Variants in ARID5B observed in about 807,000 individuals in gnomAD.
ARID5B encodes the protein AT-rich interactive domain-containing protein 5B.
ARID5B carries 13 observed loss-of-function variants against 97.2 expected under a neutral mutation model. That is an observed-to-expected ratio of 0.13 (90% CI 0.09 to 0.21). The LOEUF is 0.21. ARID5B is among the 10% of genes least tolerant of loss of function. The probability of loss-of-function intolerance (pLI) is 1.00; values close to 1 mark genes in which losing one functional copy is unlikely to be tolerated. For missense variants in ARID5B, 1,210 were observed against 1,465.3 expected (o/e 0.83, Z 2.84); for synonymous variants, 556 against 570.3 (o/e 0.97, Z 0.36).
chr10:61,981,197 C>A (rs1016889335), intron 3 of ARID5B, among the ~76,000 whole-genome samples: 2 of 152,134 alleles, frequency 1.3e-5, no homozygotes, highest in African/African-American at 4.8e-5. Context: ...GCTTGCCTGT[C>A]TGTAGTGCAT....
At chr10:61,949,111 C>T (rs979443852) in intron 3 of ARID5B, among the ~76,000 whole-genome samples, 12 of 152,122 alleles carry the variant, frequency 7.9e-5, no homozygotes, top group Non-Finnish European at 1.8e-4. Context: ...TAGGGCTTGC[C>T]CAAACTGATT....
At chr10:62,063,598 T>C (rs1839950028) in intron 7 of ARID5B, among the ~76,000 whole-genome samples, 2 of 152,226 alleles carry the variant, frequency 1.3e-5, no homozygotes. Flanking sequence ...CAGTCTCTTC[T>C]GCCTTTGCTG....
rs1457091856 is a variant in ARID5B, at chr10:62,093,937, C to A, written c.*907C>A. 4.3e-6 allele frequency: 1 copy of A among 233,504 alleles called. No individual in the cohort carries two copies. The highest frequency in any genetic ancestry group is 8.5e-6 in the Non-Finnish European group (1 of 118,066). 14.5% of individuals were successfully genotyped at this position (233,504 alleles called of 1,614,324 possible). On this transcript the variant is annotated 3_prime_UTR_variant, in exon 10 of 10. Transcript: ENST00000279873. ...TAAGGATTTTGTTCCTCATAAATGGCATAGTTGAAAGAGCTTATACACTGC... is the reference window on the plus strand; with the variant it reads ...TAAGGATTTTGTTCCTCATAAATGGAATAGTTGAAAGAGCTTATACACTGC...
intron 8 of ARID5B, among the ~76,000 whole-genome samples, chr10:62,080,758 G>A (rs532530372): frequency 1.3e-5 from 2 of 151,954 alleles, no homozygotes; most frequent in Admixed American, 6.5e-5. Flanking sequence ...AGTCCCAGTT[G>A]AACCAATATG....
chr10:62,051,052 C>T (rs757523191), intron 5 of ARID5B, 52 bp downstream of exon 5: 2 of 1,457,900 alleles, frequency 1.4e-6, no homozygotes, highest in East Asian at 2.3e-5. Context: ...TTTATTTTTG[C>T]TTTTTCTCTT....
chr10:62,010,677 A>G (rs1226436067), intron 4 of ARID5B, among the ~76,000 whole-genome samples: 1 of 152,206 alleles, frequency 6.6e-6, no homozygotes, highest in Non-Finnish European at 1.5e-5. Context: ...CAGTGTCTTT[A>G]GCTAAAGATT....
chr10:62,024,637 G>T, intron 4 of ARID5B: 2 of 394,016 alleles, frequency 5.1e-6, no homozygotes, highest in South Asian at 2.6e-4. Context: ...AAGGAGATTT[G>T]ACAAAATTAT....
intron 2 of ARID5B, among the ~76,000 whole-genome samples, chr10:61,915,475 G>C (rs1212209953): frequency 6.6e-6 from 1 of 152,192 alleles, no homozygotes; most frequent in African/African-American, 2.4e-5. Flanking sequence ...TGGGGGTGAA[G>C]ATTGGGAAGT....
Position 62,092,436 on chromosome 10 carries a change from C to T in ARID5B, c.2973C>T (p.Gly991=), listed in dbSNP as rs1488769093. The T allele has an allele frequency of 1.2e-6, 2 of 1,614,108 alleles. No homozygotes were observed. The highest frequency in any genetic ancestry group is 4.5e-5 in the East Asian group (2 of 44,898). The change falls in exon 10 of 10, where the codon GGC becomes GGT. Residue 991 remains glycine, a synonymous_variant. Transcript: ENST00000279873. ...TGGAGAATTTCAGGAAGATGGAAGG[C>T]ATGGTCCACCCAATCCTGCACCGGA... ...VRLENFRKME[G]MVHPILHRKM...
At chr10:62,054,441 T>C (rs1356119646) in intron 5 of ARID5B, among the ~76,000 whole-genome samples, 1 of 152,184 alleles carries the variant, frequency 6.6e-6, no homozygotes, top group Non-Finnish European at 1.5e-5. Context: ...TTCTGTTTAC[T>C]TGTTCACTTC....
Position 62,095,452 on chromosome 10 carries a change from A to G in ARID5B, c.*2422A>G, listed in dbSNP as rs903959191. ...TGGGGCATTTGTTTTTTCCACTGCA[A>G]TGATTTCAGTCTGGTTTCATCATGT... On this transcript the variant is annotated 3_prime_UTR_variant, in exon 10 of 10. Coordinates refer to ENST00000279873, the MANE Select transcript of ARID5B (RefSeq NM_032199.3). 2 of 233,508 alleles carry G rather than the reference A, an allele frequency of 8.6e-6. No homozygotes were observed. The highest frequency in any genetic ancestry group is 2.2e-5 in the African/African-American group (1 of 45,310). 14.5% of individuals were successfully genotyped at this position (233,508 alleles called of 1,614,324 possible).
intron 3 of ARID5B, among the ~76,000 whole-genome samples, chr10:61,984,360 G>T (rs1838818066): frequency 6.6e-6 from 1 of 152,210 alleles, no homozygotes; most frequent in Non-Finnish European, 1.5e-5. Flanking sequence ...CCAAATAAAG[G>T]TTCGCTGACT....
At position 62,094,148 on chromosome 10, in the gene ARID5B, T is replaced by C. The variant is rs1214758816; in HGVS notation, c.*1118T>C. 3.0e-5 allele frequency: 7 copies of C among 232,964 alleles called. No individual in the cohort carries two copies. Among genetic ancestry groups the C allele is most frequent in the Non-Finnish European group, 5.9e-5 (7 of 117,844 alleles). 14.4% of individuals were successfully genotyped at this position (232,964 alleles called of 1,614,324 possible). A position where few individuals can be genotyped will look rare whatever the true frequency, so the allele number is the denominator to read the frequency against. The stretch of plus-strand genomic sequence containing the variant: ...GACATATTTGTGGGCTGCACAGATA[T>C]TTTAGGAATTTCAGAAATTAGAACA... On this transcript the variant is annotated 3_prime_UTR_variant, in exon 10 of 10. Transcript: ENST00000279873.
At chr10:62,086,037 A>C in intron 9 of ARID5B, 137 bp downstream of exon 9, 1 of 898,354 alleles carries the variant, frequency 1.1e-6, no homozygotes, top group Admixed American at 2.4e-5. Context: ...TAAGCTTCAC[A>C]GTTCCCCACA....
intron 3 of ARID5B, among the ~76,000 whole-genome samples, chr10:61,962,844 T>C (rs12774323): frequency 6.6e-6 from 1 of 152,156 alleles, no homozygotes; most frequent in Admixed American, 6.5e-5. Context: ...GGTCTTAGAG[T>C]AAATGATTGG....
Position 61,907,193 on chromosome 10 carries a change from C to T in ARID5B, c.276+4780C>T, listed in dbSNP as rs74493990. Among the ~76,000 whole-genome samples, 254 of 152,182 alleles carry T rather than the reference C, an allele frequency of 1.7e-3. 1 individual carries two copies. The East Asian group carries it at 0.038, about 22-fold the overall frequency. Reference sequence around the variant, plus strand: ...AAATAAAAAGTGTCTTAAGGATTTACATTTTAGTGCAGAAGTAAACTGTCA... The same window carrying T: ...AAATAAAAAGTGTCTTAAGGATTTATATTTTAGTGCAGAAGTAAACTGTCA... On this transcript the variant is annotated intron_variant, in intron 2 of 9. Coordinates refer to ENST00000279873, the MANE Select transcript of ARID5B (RefSeq NM_032199.3).
At position 62,063,149 on chromosome 10, in the gene ARID5B, CT is replaced by C. The variant is rs533363124; in HGVS notation, c.1101+3858del. Among the ~76,000 whole-genome samples the C allele has an allele frequency of 3.1e-4, 47 of 152,170 alleles. No homozygotes were observed. In the East Asian group the frequency reaches 8.9e-3, roughly 29 times the overall value. On this transcript the variant is annotated intron_variant, in intron 7 of 9. Coordinates refer to ENST00000279873, the MANE Select transcript of ARID5B (RefSeq NM_032199.3). ...TCTTTGTATTTAACATTTGTAGCTTCTTTTAGTCTGTTTTTTGTATCTAACA... is the reference window on the plus strand; with the variant it reads ...TCTTTGTATTTAACATTTGTAGCTTCTTTAGTCTGTTTTTTGTATCTAACA...
intron 3 of ARID5B, among the ~76,000 whole-genome samples, 158 bp from the exon 4 acceptor site, chr10:61,999,933 G>A (rs72833380): frequency 0.069 from 10,490 of 152,232 alleles, 453 homozygotes; most frequent in Middle Eastern, 0.13. Flanking sequence ...CTGGATGGGT[G>A]AAGTGGGGCT....
chr10:61,940,971 T>A (rs1180500837), intron 3 of ARID5B, among the ~76,000 whole-genome samples: 174 of 58,556 alleles, frequency 3.0e-3, no homozygotes, highest in African/African-American at 4.8e-3. Flanking sequence ...ATATATTTTT[T>A]TTTTTTTTTT....
Sources: allele counts gnomAD v4.1 joint callset (sites outside exome capture counted in the v4.1 genomes callset), GRCh38; gene constraint gnomAD v4.1.1; transcripts MANE v1.5; gene names NCBI Gene and HGNC (gene_info 2026-07-23, HGNC 2026-07-21).